The following PLEKHA7 variants were observed in gnomAD, a reference collection of about 807,000 sequenced individuals.
PLEKHA7 encodes the protein pleckstrin homology domain-containing family A member 7.
PLEKHA7 carries 104 observed loss-of-function variants against 170.0 expected under a neutral mutation model. That is an observed-to-expected ratio of 0.61 (90% confidence interval 0.52 to 0.72). The LOEUF is 0.72. Ranked by LOEUF, PLEKHA7 falls within the 30% of genes least tolerant of loss-of-function variation. PLEKHA7 has a pLI of 0.00. For missense variants in PLEKHA7, 1,615 were observed against 1,671.7 expected, an observed-to-expected ratio of 0.97 and a Z score of 0.59; for synonymous variants, 648 against 660.8, an observed-to-expected ratio of 0.98 and a Z score of 0.30.
rs564188629 is a variant in PLEKHA7, at chr11:16,943,203, C to T, written c.221+70786G>A. ...ATTTTCATAATATATTTTACTTAAC[C>T]CAAAATATTATTTCAATATGTAATC... On this transcript the variant is annotated intron_variant, in intron 3 of 26. Coordinates refer to ENST00000531066, the MANE Select transcript of PLEKHA7 (RefSeq NM_001329630.2). Among the ~76,000 whole-genome samples, 10 of 151,936 alleles carry T rather than the reference C, an allele frequency of 6.6e-5. No homozygotes were observed. The South Asian group carries it at 1.9e-3, about 28-fold the overall frequency.
At chr11:16,805,562 C>T (rs548125766) in intron 13 of PLEKHA7, among the ~76,000 whole-genome samples, 15 of 151,982 alleles carry the variant, frequency 9.9e-5, no homozygotes, top group Non-Finnish European at 1.5e-4. Context: ...GAGGCCAAGG[C>T]GGGTGAATTA....
chr11:16,840,786 G>C (rs745479351), intron 9 of PLEKHA7, among the ~76,000 whole-genome samples: 5 of 152,114 alleles, frequency 3.3e-5, no homozygotes, highest in Non-Finnish European at 5.9e-5. Flanking sequence ...GCATGAAAGA[G>C]ATCATAAAGC....
chr11:16,857,836 AGCC>A (rs1010476497), intron 4 of PLEKHA7, among the ~76,000 whole-genome samples: 31 of 152,350 alleles, frequency 2.0e-4, no homozygotes, highest in African/African-American at 6.7e-4. Flanking sequence ...CTCCTGCCTC[AGCC>A]TCCCAAGTAG....
chr11:16,980,248 A>C (rs1863343799), intron 3 of PLEKHA7, among the ~76,000 whole-genome samples: 1 of 152,212 alleles, frequency 6.6e-6, no homozygotes, highest in African/African-American at 2.4e-5. Context: ...CATGTCAGAC[A>C]CTGTACTCAA....
rs183352009 is a variant in PLEKHA7, at chr11:16,905,548, G to A, written c.222-34366C>T. On this transcript the variant is annotated intron_variant, in intron 3 of 26. Transcript: ENST00000531066. ...TGACTTCTTTGCAGCAGAGCCCCAG[G>A]GAAGAGCAAAATGAGGCCCTCTGGG... Among the ~76,000 whole-genome samples, 8 of 152,214 alleles carry A rather than the reference G, an allele frequency of 5.3e-5. No individual in the cohort carries two copies. The East Asian group carries it at 9.7e-4, about 18-fold the overall frequency.
At chr11:16,866,404 C>T (rs1288876633) in intron 4 of PLEKHA7, among the ~76,000 whole-genome samples, 3 of 151,666 alleles carry the variant, frequency 2.0e-5, no homozygotes, top group Admixed American at 1.3e-4. Context: ...CCAGCCTGGC[C>T]AACATGGTGA....
intron 8 of PLEKHA7, among the ~76,000 whole-genome samples, 173 bp from the exon 9 acceptor site, chr11:16,841,895 A>G (rs1173363984): frequency 6.6e-6 from 1 of 152,010 alleles, no homozygotes; most frequent in Non-Finnish European, 1.5e-5. Context: ...TAGTGCAGCC[A>G]GGCCCAGTGA....
chr11:17,009,572 T>G (rs894943018), intron 3 of PLEKHA7, among the ~76,000 whole-genome samples: 8 of 152,232 alleles, frequency 5.3e-5, no homozygotes, highest in African/African-American at 1.9e-4. Flanking sequence ...TATACCTTGC[T>G]ACCCAGCTAA....
chr11:16,827,969 T>C (rs981462824), intron 9 of PLEKHA7, among the ~76,000 whole-genome samples: 4 of 152,186 alleles, frequency 2.6e-5, no homozygotes, highest in Non-Finnish European at 4.4e-5. Flanking sequence ...CCAGGTGTCT[T>C]TGCAACAACT....
intron 5 of PLEKHA7, 51 bp from the exon 6 acceptor site, chr11:16,855,044 A>G (rs1853318941): frequency 6.6e-7 from 1 of 1,517,764 alleles, no homozygotes; most frequent in East Asian, 2.3e-5. Context: ...AGGTGACACA[A>G]AAAAGCACTT....
intron 3 of PLEKHA7, among the ~76,000 whole-genome samples, chr11:16,884,961 C>T (rs1395948521): frequency 2.0e-5 from 3 of 152,356 alleles, no homozygotes; most frequent in East Asian, 1.9e-4. Context: ...CCTCTGTAGA[C>T]GTCTGAGTTT....
intron 9 of PLEKHA7, among the ~76,000 whole-genome samples, chr11:16,841,090 T>C (rs1167491389): frequency 6.6e-6 from 1 of 152,180 alleles, no homozygotes; most frequent in African/African-American, 2.4e-5. Context: ...ATTCCTCTTG[T>C]TTTCTCTCAG....
chr11:16,822,502 G>GAAAAAAAAA (rs775136335), intron 10 of PLEKHA7, among the ~76,000 whole-genome samples: 1 of 78,956 alleles, frequency 1.3e-5, no homozygotes, highest in African/African-American at 6.3e-5. Context: ...TTTGGTAGGG[G>GAAAAAAAAA]AAAAAAAAAA....
intron 8 of PLEKHA7, among the ~76,000 whole-genome samples, chr11:16,847,811 C>T (rs1852570746): frequency 6.8e-6 from 1 of 147,062 alleles, no homozygotes; most frequent in Non-Finnish European, 1.5e-5. Context: ...CATTGTACTC[C>T]AGCCCGGGCG....
intron 3 of PLEKHA7, among the ~76,000 whole-genome samples, chr11:16,884,607 C>T (rs886124487): frequency 2.0e-5 from 3 of 151,534 alleles, no homozygotes; most frequent in Non-Finnish European, 4.4e-5. Context: ...TGCACTCCAG[C>T]CTGGACAACA....
chr11:16,853,936 A>C (rs1338810599), intron 6 of PLEKHA7, among the ~76,000 whole-genome samples: 3 of 152,216 alleles, frequency 2.0e-5, no homozygotes, highest in Non-Finnish European at 4.4e-5. Context: ...AGCTTCACCA[A>C]AACTTACATT....
At chr11:16,902,312 G>A (rs1301111381) in intron 3 of PLEKHA7, among the ~76,000 whole-genome samples, 1 of 152,188 alleles carries the variant, frequency 6.6e-6, no homozygotes, top group Non-Finnish European at 1.5e-5. Flanking sequence ...TTGCGTACAA[G>A]TTTTTGTGTA....
At chr11:17,006,886 C>T (rs538859262) in intron 3 of PLEKHA7, among the ~76,000 whole-genome samples, 1 of 152,306 alleles carries the variant, frequency 6.6e-6, no homozygotes, top group African/African-American at 2.4e-5. Context: ...CCCAACTGAA[C>T]ATCTGTCACA....
intron 3 of PLEKHA7, 108 bp from the exon 4 acceptor site, chr11:16,871,290 A>AG: frequency 1.2e-6 from 1 of 819,744 alleles, no homozygotes; most frequent in South Asian, 1.4e-5. Context: ...AAGATTTCAC[A>AG]GGGGGAGAAA....
Sources: gnomAD v4.1 joint callset for allele counts (sites outside exome capture counted in the v4.1 genomes callset) on GRCh38, gnomAD v4.1.1 for gene constraint, MANE v1.5 for transcripts, NCBI Gene and HGNC (gene_info 2026-07-23, HGNC 2026-07-21) for gene names.